The following STPG2 variants were observed in gnomAD, a reference collection of about 807,000 sequenced individuals.
The protein encoded by STPG2 is sperm-tail PG-rich repeat-containing protein 2.
STPG2 carries 56 observed loss-of-function variants against 54.2 expected under a neutral mutation model. The ratio of observed to expected loss-of-function variants is 1.03; its 90% CI spans 0.83 to 1.29. STPG2 has a LOEUF of 1.29. STPG2 is among the 50% of genes most tolerant of loss of function. The pLI is 0.00. For missense variants in STPG2, 596 were observed against 544.9 expected, an observed-to-expected ratio of 1.09 and a Z score of -0.93; for synonymous variants, 200 against 181.8, an observed-to-expected ratio of 1.10 and a Z score of -0.81.
chr4:97,445,651 T>C (rs1266698638), intron 4 of STPG2, among the ~76,000 whole-genome samples: 1 of 152,238 alleles, frequency 6.6e-6, no homozygotes. Flanking sequence ...AAGTGCCAAA[T>C]AGTCACATGT....
At chr4:97,588,360 G>T (rs17026828) in intron 10 of STPG2, among the ~76,000 whole-genome samples, 1 of 151,924 alleles carries the variant, frequency 6.6e-6, no homozygotes, top group Non-Finnish European at 1.5e-5. Context: ...CAAGGCAGAT[G>T]TATTTTGCTT....
chr4:97,860,858 C>G (rs1006642143), intron 8 of STPG2, among the ~76,000 whole-genome samples: 4 of 152,116 alleles, frequency 2.6e-5, no homozygotes. Context: ...TATTCCAGTT[C>G]TCAGGGAAAA....
chr4:97,516,728 T>G (rs774829762), intron 4 of STPG2, among the ~76,000 whole-genome samples: 2 of 151,088 alleles, frequency 1.3e-5, no homozygotes, highest in Non-Finnish European at 2.9e-5. Context: ...CTCCGGAGGC[T>G]AAGGCAGGAG....
intron 9 of STPG2, among the ~76,000 whole-genome samples, chr4:97,777,370 C>A (rs559460902): frequency 1.3e-4 from 20 of 152,226 alleles, no homozygotes; most frequent in African/African-American, 4.6e-4. Flanking sequence ...TATTCTGATG[C>A]GACTTTAAAA....
At chr4:97,689,628 AAC>A (rs1286420791) in intron 10 of STPG2, among the ~76,000 whole-genome samples, 2 of 152,138 alleles carry the variant, frequency 1.3e-5, no homozygotes, top group African/African-American at 4.8e-5. Flanking sequence ...ATTTAATAAT[AAC>A]ACAAGGCACA....
chr4:97,691,780 C>T (rs964775438), intron 10 of STPG2, among the ~76,000 whole-genome samples: 1 of 152,186 alleles, frequency 6.6e-6, no homozygotes, highest in African/African-American at 2.4e-5. Context: ...AGGACCCTCC[C>T]TGTGTCCACT....
intron 9 of STPG2, among the ~76,000 whole-genome samples, chr4:97,790,466 T>G (rs1034156612): frequency 6.6e-6 from 1 of 152,164 alleles, no homozygotes; most frequent in African/African-American, 2.4e-5. Context: ...CAGGTCTTTG[T>G]TCCTTTTCTG....
chr4:97,998,995 GCTCTTTC>G (rs1240542559), intron 5 of STPG2, among the ~76,000 whole-genome samples: 1 of 145,280 alleles, frequency 6.9e-6, no homozygotes, highest in African/African-American at 2.6e-5. Context: ...TAACTTTAAT[GCTCTTTC>G]TATTTGTATT....
At chr4:98,007,343 C>T (rs181619014) in intron 5 of STPG2, among the ~76,000 whole-genome samples, 168 of 152,282 alleles carry the variant, frequency 1.1e-3, no homozygotes, top group African/African-American at 3.9e-3. Flanking sequence ...AAAGCCATCA[C>T]ACTAAGTCTA....
In STPG2 at chr4:98,003,283, T is replaced by A. The variant is rs570487023; in HGVS notation, c.613-21965A>T. ...GGTGTTTCAACTTGGAAGACAACAC[T>A]GACTACATTTCTAATCCACTCTTAA... On this transcript the variant is annotated intron_variant, in intron 5 of 10. Coordinates refer to ENST00000295268, the MANE Select transcript of STPG2 (RefSeq NM_174952.3). 1.7e-3 allele frequency among the ~76,000 whole-genome samples: 264 copies of A among 152,232 alleles called. 2 individuals carry two copies. Among genetic ancestry groups the A allele is most frequent in the African/African-American group, 5.9e-3 (246 of 41,560 alleles).
chr4:98,081,337 A>G (rs10021044), intron 5 of STPG2, among the ~76,000 whole-genome samples: 5 of 151,958 alleles, frequency 3.3e-5, no homozygotes, highest in Non-Finnish European at 7.4e-5. Flanking sequence ...CAGAAGATAC[A>G]GTGTATTTTT....
intron 5 of STPG2, among the ~76,000 whole-genome samples, chr4:98,019,351 G>T (rs1281658696): frequency 6.6e-6 from 1 of 151,948 alleles, no homozygotes; most frequent in Non-Finnish European, 1.5e-5. Context: ...ATTTCTGAGG[G>T]CTCTGTTCTG....
At chr4:97,956,946 G>T (rs745530743) in intron 7 of STPG2, among the ~76,000 whole-genome samples, 1 of 151,988 alleles carries the variant, frequency 6.6e-6, no homozygotes, top group African/African-American at 2.4e-5. Flanking sequence ...AATCACATTA[G>T]CTCACCAGCA....
At chr4:98,132,089 A>T (rs1281185350) in intron 2 of STPG2, among the ~76,000 whole-genome samples, 3 of 152,100 alleles carry the variant, frequency 2.0e-5, no homozygotes, top group Admixed American at 1.3e-4. Flanking sequence ...AACTTATATT[A>T]TTTATATTTT....
intron 10 of STPG2, among the ~76,000 whole-genome samples, chr4:97,700,217 A>G (rs1723725886): frequency 6.6e-6 from 1 of 152,050 alleles, no homozygotes; most frequent in Non-Finnish European, 1.5e-5. Context: ...TGATACCACA[A>G]CCAATTGGAT....
intron 3 of STPG2, among the ~76,000 whole-genome samples, chr4:98,109,896 T>C (rs1278946630): frequency 6.6e-6 from 1 of 152,096 alleles, no homozygotes; most frequent in Non-Finnish European, 1.5e-5. Context: ...CTTTCCTTTA[T>C]ACCCACTACA....
At chr4:98,129,013 C>T (rs918206971) in intron 2 of STPG2, among the ~76,000 whole-genome samples, 5 of 152,114 alleles carry the variant, frequency 3.3e-5, no homozygotes, top group South Asian at 2.1e-4. Flanking sequence ...GGATTACAGG[C>T]ATGAGCCACT....
chr4:97,800,115 C>T (rs1334509257), intron 9 of STPG2, among the ~76,000 whole-genome samples: 2 of 152,110 alleles, frequency 1.3e-5, no homozygotes, highest in South Asian at 2.1e-4. Flanking sequence ...AGCTTCTTTG[C>T]GATGGATTTG....
At chr4:97,685,277 A>G (rs1723155218) in intron 10 of STPG2, among the ~76,000 whole-genome samples, 1 of 152,150 alleles carries the variant, frequency 6.6e-6, no homozygotes, top group African/African-American at 2.4e-5. Context: ...TGTTTATAAG[A>G]ACTTTATTCA....
Sources: gnomAD v4.1 joint callset for allele counts (sites outside exome capture counted in the v4.1 genomes callset) on GRCh38, gnomAD v4.1.1 for gene constraint, MANE v1.5 for transcripts, NCBI Gene and HGNC (gene_info 2026-07-23, HGNC 2026-07-21) for gene names.